Variants in KPNA4 observed in about 807,000 individuals in gnomAD.
The protein encoded by KPNA4 is karyopherin subunit alpha 4, also known as importin subunit alpha-3.
A neutral mutation model predicts 71.3 loss-of-function variants in KPNA4; 13 were observed. The ratio of observed to expected loss-of-function variants is 0.18; its 90% CI spans 0.12 to 0.29. The LOEUF (loss-of-function observed/expected upper bound fraction) is 0.29, where lower values mean the gene tolerates loss of function less well. Ranked by LOEUF, KPNA4 falls within the 10% of genes least tolerant of loss-of-function variation. KPNA4 has a pLI of 1.00. For missense variants in KPNA4, 334 were observed against 603.2 expected (o/e 0.55, Z 4.67); for synonymous variants, 189 against 195.2 (o/e 0.97, Z 0.26).
intron 1 of KPNA4, among the ~76,000 whole-genome samples, chr3:160,560,654 C>T (rs549667708): frequency 6.6e-6 from 1 of 152,090 alleles, no homozygotes; most frequent in African/African-American, 2.4e-5. Flanking sequence ...CAATTCTTCC[C>T]AATCTTGTAC....
intron 1 of KPNA4, among the ~76,000 whole-genome samples, chr3:160,555,173 T>C (rs1401642389): frequency 6.6e-6 from 1 of 152,232 alleles, no homozygotes; most frequent in Non-Finnish European, 1.5e-5. Context: ...AGCTGGTGTG[T>C]GGGGAAAAAC....
chr3:160,504,714 A>T (rs1167613985), intron 16 of KPNA4, among the ~76,000 whole-genome samples: 2 of 152,180 alleles, frequency 1.3e-5, no homozygotes, highest in Non-Finnish European at 2.9e-5. Context: ...GTGAAAATAA[A>T]GTCTGACTCA....
At chr3:160,509,031 G>A (rs1163178952) in intron 14 of KPNA4, among the ~76,000 whole-genome samples, 1 of 152,126 alleles carries the variant, frequency 6.6e-6, no homozygotes, top group Non-Finnish European at 1.5e-5. Context: ...CCAGTCTGCA[G>A]CCTTTTTGTT....
At chr3:160,503,002 T>G (rs1297589161) in intron 16 of KPNA4, among the ~76,000 whole-genome samples, 2 of 152,000 alleles carry the variant, frequency 1.3e-5, no homozygotes, top group Non-Finnish European at 2.9e-5. Context: ...TCCCAGCTAC[T>G]TGGGAGGTTG....
chr3:160,524,604 A>AG (rs1349720999), intron 10 of KPNA4, among the ~76,000 whole-genome samples: 1 of 152,116 alleles, frequency 6.6e-6, no homozygotes, highest in Non-Finnish European at 1.5e-5. Context: ...TCAGCCTCCT[A>AG]AAGTGCTGGG....
chr3:160,533,674 G>A (rs903063175), intron 5 of KPNA4, among the ~76,000 whole-genome samples: 1 of 151,926 alleles, frequency 6.6e-6, no homozygotes, highest in Non-Finnish European at 1.5e-5. Context: ...TTGCATTAAG[G>A]AGCCCGCAAT....
chr3:160,523,642 G>A (rs538656227), intron 10 of KPNA4, among the ~76,000 whole-genome samples: 1 of 152,230 alleles, frequency 6.6e-6, no homozygotes, highest in South Asian at 2.1e-4. Context: ...GAGGTCAAGA[G>A]TTCAAGACCA....
At position 160,565,535 on chromosome 3, in the gene KPNA4, T is replaced by C. The variant is rs773454027; in HGVS notation, c.-253A>G. On this transcript the variant is annotated 5_prime_UTR_variant, in exon 1 of 17. Coordinates refer to ENST00000334256, the MANE Select transcript of KPNA4 (RefSeq NM_002268.5). ...GCCGGGCGGCGGCAAGGCGACGGAA[T>C]GTGCTGCCGGCTGAGAGGGGGAGGC... is the stretch of plus-strand genomic sequence containing the variant. 7.0e-4 allele frequency: 373 copies of C among 529,320 alleles called. No homozygotes were observed. Among genetic ancestry groups the C allele is most frequent in the African/African-American group, 1.4e-3 (70 of 48,904 alleles). The allele number at this position is 529,320 out of a possible 1,614,324, so 32.8% of individuals were successfully genotyped here.
intron 1 of KPNA4, among the ~76,000 whole-genome samples, chr3:160,553,408 A>AT (rs753552760): frequency 3.9e-5 from 6 of 152,212 alleles, no homozygotes; most frequent in Non-Finnish European, 5.9e-5. Context: ...TCTCTTAGTA[A>AT]TTTAACATAG....
At chr3:160,562,005 T>G (rs1391039240) in intron 1 of KPNA4, among the ~76,000 whole-genome samples, 2 of 152,112 alleles carry the variant, frequency 1.3e-5, no homozygotes, top group Non-Finnish European at 1.5e-5. Context: ...TTCCCCAAGG[T>G]CATACACAAA....
chr3:160,503,250 G>T (rs888557826), intron 16 of KPNA4, among the ~76,000 whole-genome samples: 4 of 151,968 alleles, frequency 2.6e-5, no homozygotes, highest in African/African-American at 4.8e-5. Flanking sequence ...ATAGCAATTA[G>T]AGACAAATGG....
At chr3:160,552,920 A>G (rs1403236889) in intron 1 of KPNA4, among the ~76,000 whole-genome samples, 4 of 152,198 alleles carry the variant, frequency 2.6e-5, no homozygotes, top group African/African-American at 7.2e-5. Flanking sequence ...GTTCTCAGTA[A>G]GGAGTATGGA....
At chr3:160,521,140 C>T (rs1388747056) in intron 11 of KPNA4, among the ~76,000 whole-genome samples, 7 of 151,752 alleles carry the variant, frequency 4.6e-5, no homozygotes, top group Non-Finnish European at 1.0e-4. Flanking sequence ...ACTAAACTTG[C>T]CAGGTGAGTA....
At chr3:160,551,105 G>A (rs1722032568) in intron 1 of KPNA4, among the ~76,000 whole-genome samples, 1 of 152,312 alleles carries the variant, frequency 6.6e-6, no homozygotes, top group East Asian at 1.9e-4. Flanking sequence ...CACCAGTGAA[G>A]CCAATGATCC....
In KPNA4 at chr3:160,502,128, T is replaced by G; in HGVS notation, c.1542A>C (p.Val514=). Residue 514 remains valine, a synonymous_variant, in exon 17 of 17, where the codon GTA becomes GTC. Transcript: ENST00000334256. The part of the protein sequence containing the change: ...GTFGFNSSAN[V]PTEGFQF ...TCTAAAACTGGAACCCTTCTGTTGG[T>G]ACATTGGCAGATGAATTGAAACCAA... The G allele has an allele frequency of 6.3e-7, 1 of 1,597,058 alleles. No homozygotes were observed. Among genetic ancestry groups the G allele is most frequent in the Non-Finnish European group, 8.6e-7 (1 of 1,169,376 alleles).
chr3:160,515,218 C>G (rs778135389), intron 12 of KPNA4: 1 of 592,548 alleles, frequency 1.7e-6, no homozygotes, highest in South Asian at 1.4e-5. Context: ...ACCCAATTAT[C>G]TCTATTTCAT....
Position 160,500,046 on chromosome 3 carries a change from A to G in KPNA4, c.*2058T>C, listed in dbSNP as rs1720844772. On this transcript the variant is annotated 3_prime_UTR_variant, in exon 17 of 17. Coordinates refer to ENST00000334256, the MANE Select transcript of KPNA4 (RefSeq NM_002268.5). The stretch of plus-strand genomic sequence containing the variant: ...ATGTCCATACTGAAATGACAGAACC[A>G]AAGAAATTTCTTATTATGCTGGTTC... 7.2e-6 allele frequency: 1 copy of G among 138,802 alleles called. No individual in the cohort carries two copies. Among genetic ancestry groups the G allele is most frequent in the Admixed American group, 7.0e-5 (1 of 14,380 alleles). The allele number at this position is 138,802 out of a possible 1,614,324, so 8.6% of individuals were successfully genotyped here. A position where few individuals can be genotyped will look rare whatever the true frequency, so the allele number is the denominator to read the frequency against.
At chr3:160,531,591 A>G (rs1340856605) in intron 5 of KPNA4, 34 bp from the exon 6 acceptor site, 5 of 1,015,630 alleles carry the variant, frequency 4.9e-6, no homozygotes, top group Non-Finnish European at 7.4e-6. Context: ...GTGAAACTTA[A>G]TAACATACAA....
At chr3:160,536,895 A>C in intron 1 of KPNA4, 55 bp from the exon 2 acceptor site, 1 of 1,042,080 alleles carries the variant, frequency 9.6e-7, no homozygotes, top group South Asian at 1.4e-5. Context: ...TCCATTATCC[A>C]GAGAAAACCA....
Sources: gnomAD v4.1 joint callset for allele counts (sites outside exome capture counted in the v4.1 genomes callset) on GRCh38, gnomAD v4.1.1 for gene constraint, MANE v1.5 for transcripts, NCBI Gene and HGNC (gene_info 2026-07-23, HGNC 2026-07-21) for gene names.